Variants in CCDC47 observed in about 807,000 individuals in gnomAD.
CCDC47 encodes the protein PAT complex subunit CCDC47.
Under a neutral mutation model 60.5 loss-of-function variants are expected in CCDC47, and 41 were observed. The observed-to-expected ratio is 0.68, with a 90% CI of 0.53 to 0.88. The LOEUF (loss-of-function observed/expected upper bound fraction) is 0.88, where lower values mean the gene tolerates loss of function less well. CCDC47 is among the 40% of genes least tolerant of loss of function. CCDC47 has a pLI of 0.00. For missense variants in CCDC47, 513 were observed against 580.9 expected (o/e 0.88, Z 1.20); for synonymous variants, 195 against 190.7 (o/e 1.02, Z -0.18).
intron 12 of CCDC47, among the ~76,000 whole-genome samples, chr17:63,749,453 GAAA>G: frequency 9.9e-6 from 1 of 101,282 alleles, no homozygotes; most frequent in African/African-American, 3.4e-5. Context: ...CCAGAATAAG[GAAA>G]AAAAAAAAAA....
At chr17:63,750,553 T>C (rs1310542998) in intron 12 of CCDC47, among the ~76,000 whole-genome samples, 1 of 151,930 alleles carries the variant, frequency 6.6e-6, no homozygotes, top group Non-Finnish European at 1.5e-5. Flanking sequence ...AGATTATTCT[T>C]ACTAAAATTC....
chr17:63,746,423 T>C lies in CCDC47; in HGVS notation c.*458A>G, dbSNP rs115078096. On this transcript the variant is annotated 3_prime_UTR_variant, in exon 13 of 13. Coordinates refer to ENST00000225726, the MANE Select transcript of CCDC47 (RefSeq NM_020198.3). ...ACAAGAAAACATCAAGCAATGTTTA[T>C]TGTGCAATTCCAATCATTATTTGCA... The C allele has an allele frequency of 8.2e-3, 1,272 of 154,748 alleles. 21 individuals carry two copies. Among genetic ancestry groups the C allele is most frequent in the African/African-American group, 0.029 (1,189 of 41,586 alleles). 9.6% of individuals were successfully genotyped at this position (154,748 alleles called of 1,614,324 possible). A position where few individuals can be genotyped will look rare whatever the true frequency, so the allele number is the denominator to read the frequency against.
Position 63,745,983 on chromosome 17 carries a change from A to T in CCDC47, c.*898T>A, listed in dbSNP as rs1011388802. 3.3e-5 allele frequency: 5 copies of T among 152,248 alleles called. No individual in the cohort carries two copies. Among genetic ancestry groups the T allele is most frequent in the African/African-American group, 1.2e-4 (5 of 41,476 alleles). 9.4% of individuals were successfully genotyped at this position (152,248 alleles called of 1,614,324 possible). A position where few individuals can be genotyped will look rare whatever the true frequency, so the allele number is the denominator to read the frequency against. On this transcript the variant is annotated 3_prime_UTR_variant, in exon 13 of 13. Transcript: ENST00000225726. ...TGGAAAAGATAAAAGCAGAGGGAGA[A>T]GCAACGGCACACAGCCATAATATAG...
intron 1 of CCDC47, 63 bp from the exon 2 acceptor site, chr17:63,766,257 A>C (rs1451674605): frequency 1.4e-6 from 2 of 1,439,684 alleles, no homozygotes; most frequent in Non-Finnish European, 1.9e-6. Flanking sequence ...AGATTTTATA[A>C]ACAGTAAAAA....
chr17:63,760,314 C>T (rs919331667), intron 6 of CCDC47, among the ~76,000 whole-genome samples: 3 of 152,288 alleles, frequency 2.0e-5, no homozygotes, highest in Non-Finnish European at 2.9e-5. Context: ...AGGGCCATTA[C>T]CTTTCACAAT....
chr17:63,759,596 C>T (rs1598308597), intron 6 of CCDC47, among the ~76,000 whole-genome samples: 2 of 111,514 alleles, frequency 1.8e-5, no homozygotes, highest in South Asian at 6.7e-4. Context: ...ATTTTCAATC[C>T]AATAACATTT....
Position 63,746,677 on chromosome 17 carries a change from A to C in CCDC47, c.*204T>G. The C allele has an allele frequency of 2.3e-6, 1 of 437,420 alleles. No individual in the cohort carries two copies. Among genetic ancestry groups the C allele is most frequent in the Non-Finnish European group, 4.1e-6 (1 of 243,656 alleles). The allele number at this position is 437,420 out of a possible 1,614,324, so 27.1% of individuals were successfully genotyped here. A position where few individuals can be genotyped will look rare whatever the true frequency, so the allele number is the denominator to read the frequency against. ...AAATAATTTGATTATCTGGAAAAAA[A>C]AATTCTTGAAACAGAGCCCTTTCCA... On this transcript the variant is annotated 3_prime_UTR_variant, in exon 13 of 13. Coordinates refer to ENST00000225726, the MANE Select transcript of CCDC47 (RefSeq NM_020198.3).
At chr17:63,767,852 CA>C (rs2039308430) in intron 1 of CCDC47, among the ~76,000 whole-genome samples, 1 of 152,150 alleles carries the variant, frequency 6.6e-6, no homozygotes, top group East Asian at 1.9e-4. Context: ...ATATCAATCA[CA>C]TTTTTCCAGT....
chr17:63,752,106 C>G lies in CCDC47; in HGVS notation c.1205G>C (p.Gly402Ala), dbSNP rs1222121041. The stretch of plus-strand genomic sequence containing the variant: ...ACGGTTCTTATCTGCTTTTTGTTTG[C>G]CCTTCCCCAAGAAACAAAGTATTTC... ...KAKKFRLNRE[G>A]KQKADKNRAR... Residue 402 changes from glycine to alanine, a missense_variant and splice_region_variant, in exon 12 of 13, where the codon GGC (glycine) becomes GCC (alanine). Gly to Ala is a moderately conservative substitution (Grantham distance 60). Transcript: ENST00000225726. 3 of 1,612,498 alleles carry G rather than the reference C, an allele frequency of 1.9e-6. No individual in the cohort carries two copies. In the South Asian group the frequency reaches 3.3e-5, roughly 18 times the overall value.
chr17:63,770,029 C>T (rs1394286494), intron 1 of CCDC47, among the ~76,000 whole-genome samples: 3 of 145,318 alleles, frequency 2.1e-5, no homozygotes, highest in Non-Finnish European at 4.5e-5. Flanking sequence ...GGCGTGATCT[C>T]GGGTCACTGC....
chr17:63,752,917 C>T (rs1347486375), intron 9 of CCDC47, 118 bp from the exon 10 acceptor site: 5 of 1,404,302 alleles, frequency 3.6e-6, no homozygotes, highest in Non-Finnish European at 4.7e-6. Context: ...CAGTATTTGG[C>T]TTGGCATACC....
rs771335419 is a variant in CCDC47 at position 63,756,299 on chromosome 17, C to CCGG, written c.886_888dup (p.Pro296dup). On this transcript the variant is annotated inframe_insertion, in exon 8 of 13. Transcript: ENST00000225726. ...ATCTCTGACAGGATGGCCAAAGAGT[C>CCGG]CGGCAGTCCATACTTTGCTCCAGAC... 6.2e-7 allele frequency: 1 copy of CCGG among 1,614,162 alleles called. No homozygotes were observed. The highest frequency in any genetic ancestry group is 2.2e-5 in the East Asian group (1 of 44,882).
intron 6 of CCDC47, among the ~76,000 whole-genome samples, chr17:63,760,061 T>A (rs1331163490): frequency 3.4e-4 from 6 of 17,650 alleles, no homozygotes; most frequent in African/African-American, 5.1e-4. Flanking sequence ...AGACTCCGTC[T>A]CAAAAAAAAA....
chr17:63,764,888 C>A (rs2039286180), intron 2 of CCDC47, 41 bp from the exon 3 acceptor site: 2 of 1,589,174 alleles, frequency 1.3e-6, no homozygotes, highest in African/African-American at 1.4e-5. Flanking sequence ...CTACAAATGT[C>A]ACCAGCAGCT....
intron 1 of CCDC47, among the ~76,000 whole-genome samples, chr17:63,769,983 CAG>C (rs1333023300): frequency 4.6e-5 from 6 of 131,130 alleles, no homozygotes; most frequent in Non-Finnish European, 7.9e-5. Context: ...TTTTTTGAGG[CAG>C]AGTCTCACTC....
At chr17:63,747,546 A>G in intron 12 of CCDC47, 1 of 984,334 alleles carries the variant, frequency 1.0e-6, no homozygotes, top group Non-Finnish European at 1.2e-6. Context: ...TAGAAGAGTA[A>G]GAAGGTTCAG....
intron 1 of CCDC47, among the ~76,000 whole-genome samples, chr17:63,771,284 T>C (rs1306012606): frequency 6.6e-6 from 1 of 152,106 alleles, no homozygotes; most frequent in Non-Finnish European, 1.5e-5. Context: ...TTATATAGTG[T>C]ATATACATAT....
chr17:63,751,757 G>A, intron 12 of CCDC47, 183 bp downstream of exon 12: 1 of 685,436 alleles, frequency 1.5e-6, no homozygotes, highest in Non-Finnish European at 2.6e-6. Context: ...CAGACTCAGT[G>A]TGGCACGGCT....
At chr17:63,751,204 T>A (rs902704662) in intron 12 of CCDC47, among the ~76,000 whole-genome samples, 6 of 150,786 alleles carry the variant, frequency 4.0e-5, no homozygotes, top group Middle Eastern at 3.2e-3. Context: ...TGACCAGCAT[T>A]TACAAGGTCT....
Sources: allele counts gnomAD v4.1 joint callset (sites outside exome capture counted in the v4.1 genomes callset), GRCh38; gene constraint gnomAD v4.1.1; transcripts MANE v1.5; gene names NCBI Gene and HGNC (gene_info 2026-07-23, HGNC 2026-07-21).